Variants in RTCB observed in about 807,000 individuals in gnomAD.
The protein encoded by RTCB is RNA 2',3'-cyclic phosphate and 5'-OH ligase, also known as RNA-splicing ligase RTCB.
Under a neutral mutation model 58.2 loss-of-function variants are expected in RTCB, and 32 were observed. The observed-to-expected ratio is 0.55, with a 90% confidence interval of 0.41 to 0.74. The LOEUF (loss-of-function observed/expected upper bound fraction) is 0.74. Among genes scored for constraint, RTCB ranks in the 30% least tolerant of loss-of-function variants. The probability of loss-of-function intolerance (pLI) is 0.00; values close to 1 mark genes in which losing one functional copy is unlikely to be tolerated. For missense variants in RTCB, 523 were observed against 639.0 expected (o/e 0.82, Z 1.96); for synonymous variants, 247 against 218.6 (o/e 1.13, Z -1.15).
chr22:32,395,134 T>C lies in RTCB; in HGVS notation c.1071A>G (p.Lys357=), dbSNP rs1473383811. 1 of 1,614,206 alleles carries C rather than the reference T, an allele frequency of 6.2e-7. No individual in the cohort carries two copies. The highest frequency in any genetic ancestry group is 8.5e-7 in the Non-Finnish European group (1 of 1,180,036). Residue 357 remains lysine (K), a synonymous_variant, in exon 9 of 12, where the codon AAA becomes AAG. Transcript: ENST00000216038. ...TTCCGTCCACCACATGCTGCTCCAC[T>C]TTGGCAATGTTGTGAGAAACATCAT... ...VIYDVSHNIA[K]VEQHVVDGKE...
At chr22:32,389,306 C>T (rs1261115402) in intron 11 of RTCB, among the ~76,000 whole-genome samples, 2 of 152,160 alleles carry the variant, frequency 1.3e-5, no homozygotes, top group African/African-American at 2.4e-5. Flanking sequence ...CTATGTAATA[C>T]ACTGAAAAAA....
chr22:32,411,419 G>A lies in RTCB; in HGVS notation c.93+645C>T, dbSNP rs993397068. On this transcript the variant is annotated intron_variant, in intron 1 of 11. Transcript: ENST00000216038. ...GAGCCCTCAAGTCTCCATCTGGGAC[G>A]TCAAAGAAGTAAACCGGACATCAAG... is the stretch of plus-strand genomic sequence containing the variant. 7.9e-5 allele frequency among the ~76,000 whole-genome samples: 12 copies of A among 152,248 alleles called. No homozygotes were observed. In the East Asian group the frequency reaches 1.9e-3, roughly 25 times the overall value.
intron 4 of RTCB, among the ~76,000 whole-genome samples, chr22:32,406,138 T>C (rs574497499): frequency 2.6e-5 from 4 of 152,184 alleles, no homozygotes; most frequent in Non-Finnish European, 5.9e-5. Context: ...TACCATGATG[T>C]TTGGTAGGAG....
chr22:32,402,092 C>A (rs183969634), intron 4 of RTCB, among the ~76,000 whole-genome samples, 189 bp from the exon 5 acceptor site: 294 of 152,290 alleles, frequency 1.9e-3, no homozygotes, highest in African/African-American at 6.8e-3. Flanking sequence ...AACATACACA[C>A]TAAAGGCACT....
chr22:32,405,548 C>A (rs926551522), intron 4 of RTCB, among the ~76,000 whole-genome samples: 1 of 152,154 alleles, frequency 6.6e-6, no homozygotes, highest in Non-Finnish European at 1.5e-5. Flanking sequence ...TCATTCAAAT[C>A]ATGTATATTC....
chr22:32,395,600 GACA>G (rs1428990204), intron 8 of RTCB, among the ~76,000 whole-genome samples: 2 of 152,170 alleles, frequency 1.3e-5, no homozygotes, highest in African/African-American at 4.8e-5. Flanking sequence ...TTTAGTTTAA[GACA>G]ACACCAAAAC....
chr22:32,405,934 T>C (rs150118601), intron 4 of RTCB, among the ~76,000 whole-genome samples: 140 of 152,326 alleles, frequency 9.2e-4, no homozygotes, highest in Non-Finnish European at 1.7e-3. Flanking sequence ...AATGTTATCA[T>C]TGAATAACAA....
chr22:32,388,101 T>A lies in RTCB; in HGVS notation c.1411-2A>T. 1.3e-6 allele frequency: 2 copies of A among 1,588,806 alleles called. No homozygotes were observed. Among genetic ancestry groups the A allele is most frequent in the Non-Finnish European group, 1.7e-6 (2 of 1,157,306 alleles). On this transcript the variant is annotated splice_acceptor_variant, in intron 11 of 11. Transcript: ENST00000216038. LOFTEE classifies it high-confidence loss of function. ...CACATTCTTATAGGACTCAGGAGCC[T>A]GCAGGAGAGGAATTTAAACATTGTA...
rs1179025392 is a variant in RTCB at position 32,412,183 on chromosome 22, C to T, written c.-27G>A. 6.4e-7 allele frequency: 1 copy of T among 1,560,720 alleles called. No individual in the cohort carries two copies. The highest frequency in any genetic ancestry group is 1.8e-5 in the Admixed American group (1 of 54,204). On this transcript the variant is annotated 5_prime_UTR_variant, in exon 1 of 12. Transcript: ENST00000216038. ...GTGGCGAAAACTGTAGCAAAAACTC[C>T]CGGCTCCGCTTTGAAGAGCCGCTGC...
At chr22:32,396,053 G>A (rs1181769524) in intron 8 of RTCB, 21 bp downstream of exon 8, 2 of 1,612,182 alleles carry the variant, frequency 1.2e-6, no homozygotes, top group South Asian at 1.1e-5. Context: ...ACTCGGAACA[G>A]AAGAGCAACT....
At position 32,395,215 on chromosome 22, in the gene RTCB, C is replaced by G; in HGVS notation, c.991-1G>C. 2 of 1,613,496 alleles carry G rather than the reference C, an allele frequency of 1.2e-6. No individual in the cohort carries two copies. Among genetic ancestry groups the G allele is most frequent in the Non-Finnish European group, 1.7e-6 (2 of 1,179,618 alleles). On this transcript the variant is annotated splice_acceptor_variant, in intron 8 of 11. Transcript: ENST00000216038. LOFTEE classifies it high-confidence loss of function. ...TTGTGTTGAAGACCTTGGCGAAAGCCTAGGAGAAAACACAGAAGATAAAAG... is the reference window on the plus strand; with the variant it reads ...TTGTGTTGAAGACCTTGGCGAAAGCGTAGGAGAAAACACAGAAGATAAAAG...
In RTCB at chr22:32,393,940, G is replaced by A; in HGVS notation, c.1242C>T (p.Gly414=). The A allele has an allele frequency of 6.2e-7, 1 of 1,614,102 alleles. No individual in the cohort carries two copies. Among genetic ancestry groups the A allele is most frequent in the Non-Finnish European group, 8.5e-7 (1 of 1,179,970 alleles). The change falls in exon 10 of 12, where the codon GGC becomes GGT. Residue 414 remains glycine (G), a synonymous_variant. Coordinates refer to ENST00000216038, the MANE Select transcript of RTCB (RefSeq NM_014306.5). ...AGGTCTCAGTCATGCCCTGTTCAGT[G>A]CCAGTAAGAACATAACTACAGGTTC... ...TMGTCSYVLT[G]TEQGMTETFG...
intron 4 of RTCB, among the ~76,000 whole-genome samples, chr22:32,405,984 T>C (rs1933412138): frequency 6.6e-6 from 1 of 152,188 alleles, no homozygotes; most frequent in Non-Finnish European, 1.5e-5. Context: ...CTTAGCACTG[T>C]TCTAAATATT....
At position 32,395,948 on chromosome 22, in the gene RTCB, C is replaced by G. The variant is rs548391527; in HGVS notation, c.990+126G>C. The G allele has an allele frequency of 1.2e-5, 11 of 896,996 alleles. No individual in the cohort carries two copies. In the Admixed American group the frequency reaches 1.8e-4, roughly 15 times the overall value. The allele number at this position is 896,996 out of a possible 1,614,324, so 55.6% of individuals were successfully genotyped here. A position where few individuals can be genotyped will look rare whatever the true frequency, so the allele number is the denominator to read the frequency against. ...TCTCCTAACCTTGTGATCCGCCCCC[C>G]CTCGGCCTCCCAAAGTGTTGGGATT... On this transcript the variant is annotated intron_variant, in intron 8 of 11. Transcript: ENST00000216038.
intron 3 of RTCB, 157 bp downstream of exon 3, chr22:32,408,018 G>T: frequency 1.6e-6 from 1 of 641,336 alleles, no homozygotes; most frequent in Non-Finnish European, 2.8e-6. Flanking sequence ...GTCTCTCAAA[G>T]TGTTGCGGGT....
At chr22:32,405,105 A>G (rs995316746) in intron 4 of RTCB, among the ~76,000 whole-genome samples, 1 of 152,172 alleles carries the variant, frequency 6.6e-6, no homozygotes, top group Non-Finnish European at 1.5e-5. Context: ...TTCATTTTAT[A>G]ATACTAAGAC....
rs895424491 is a variant in RTCB at position 32,395,098 on chromosome 22, T to C, written c.1107A>G (p.Thr369=). The C allele has an allele frequency of 6.2e-7, 1 of 1,614,132 alleles. No individual in the cohort carries two copies. The highest frequency in any genetic ancestry group is 8.5e-7 in the Non-Finnish European group (1 of 1,180,018). ...EQHVVDGKER[T]LLVHRKGSTR... is the part of the protein sequence containing the mutation. ...TGGATCCCTTCCTGTGTACTAACAG[T>C]GTCCGTTCCTTTCCGTCCACCACAT... The change falls in exon 9 of 12, where the codon ACA becomes ACG. Residue 369 remains threonine (T), a synonymous_variant. Transcript: ENST00000216038.
chr22:32,409,213 C>A (rs1020739486), intron 1 of RTCB, among the ~76,000 whole-genome samples: 19 of 135,998 alleles, frequency 1.4e-4, no homozygotes, highest in East Asian at 1.1e-3. Flanking sequence ...AAAAAAAAAA[C>A]CAAATGAATC....
chr22:32,393,720 C>G (rs1038691680), intron 10 of RTCB, among the ~76,000 whole-genome samples, 172 bp downstream of exon 10: 2 of 152,140 alleles, frequency 1.3e-5, no homozygotes, highest in Non-Finnish European at 2.9e-5. Context: ...ACTAGGTGAC[C>G]CCAGTCAGTT....
Sources: allele counts gnomAD v4.1 joint callset (sites outside exome capture counted in the v4.1 genomes callset), GRCh38; gene constraint gnomAD v4.1.1; transcripts MANE v1.5; gene names NCBI Gene and HGNC (gene_info 2026-07-23, HGNC 2026-07-21).